The following XRCC4 variants were observed in gnomAD, a reference collection of about 807,000 sequenced individuals.
XRCC4 encodes the protein DNA repair protein XRCC4.
Under a neutral mutation model 39.1 loss-of-function variants are expected in XRCC4, and 28 were observed. The observed-to-expected ratio is 0.72, with a 90% CI of 0.53 to 0.98. The LOEUF is 0.98. XRCC4 is among the 50% of genes least tolerant of loss of function. The pLI, the probability that XRCC4 is intolerant of heterozygous loss-of-function variation, is 0.00. For synonymous variants in XRCC4, 123 were observed against 126.4 expected, an observed-to-expected ratio of 0.97 and a Z score of 0.18; for missense variants, 350 against 376.4, an observed-to-expected ratio of 0.93 and a Z score of 0.58.
chr5:83,264,647 G>C (rs1190009591), intron 7 of XRCC4, among the ~76,000 whole-genome samples: 2 of 151,924 alleles, frequency 1.3e-5, no homozygotes, highest in Non-Finnish European at 2.9e-5. Flanking sequence ...TTGAGACCTG[G>C]TACTCTGTGT....
rs73134604 is a variant in XRCC4 at position 83,188,392 on chromosome 5, G to A, written c.316-7378G>A. Among the ~76,000 whole-genome samples the A allele has an allele frequency of 7.0e-3, 1,070 of 152,176 alleles. 12 individuals are homozygous for A. Among genetic ancestry groups the A allele is most frequent in the African/African-American group, 0.025 (1,029 of 41,506 alleles). ...CCAGATATGTGGTCAGACATTCTGGGTGTTTTTGTGAGGGTGTTTTTGGAT... is the reference window on the plus strand; with the variant it reads ...CCAGATATGTGGTCAGACATTCTGGATGTTTTTGTGAGGGTGTTTTTGGAT... On this transcript the variant is annotated intron_variant, in intron 3 of 7. Coordinates refer to ENST00000396027, the MANE Select transcript of XRCC4 (RefSeq NM_003401.5).
rs34133547 is a variant in XRCC4, at chr5:83,313,081, C to CTT, written c.894-40037_894-40036dup. 4.6e-3 allele frequency among the ~76,000 whole-genome samples: 663 copies of CTT among 142,894 alleles called. 8 individuals carry two copies. Among genetic ancestry groups the CTT allele is most frequent in the African/African-American group, 0.016 (624 of 39,180 alleles). 93.7% of individuals were successfully genotyped at this position (142,894 alleles called of 152,430 possible). A position where few individuals can be genotyped will look rare whatever the true frequency, so the allele number is the denominator to read the frequency against. On this transcript the variant is annotated intron_variant, in intron 7 of 7. Coordinates refer to ENST00000396027, the MANE Select transcript of XRCC4 (RefSeq NM_003401.5). The stretch of plus-strand genomic sequence containing the variant: ...GTCTCTTTTTTCTTTTCTTTTCTTT[C>CTT]TTTTTTTTTTTTTTACAATAAAAGT...
chr5:83,124,222 C>G (rs112403456), intron 3 of XRCC4, among the ~76,000 whole-genome samples: 1,553 of 152,244 alleles, frequency 0.01, 26 homozygotes, highest in African/African-American at 0.035. Context: ...GTACAGAACT[C>G]TTTTATTACC....
chr5:83,094,217 C>T (rs920227784), intron 1 of XRCC4, among the ~76,000 whole-genome samples: 1 of 151,940 alleles, frequency 6.6e-6, no homozygotes, highest in African/African-American at 2.4e-5. Flanking sequence ...TGTTTTTCTA[C>T]TTCTTAATTC....
intron 3 of XRCC4, among the ~76,000 whole-genome samples, chr5:83,148,941 T>C (rs1176525145): frequency 3.3e-5 from 5 of 152,182 alleles, no homozygotes; most frequent in African/African-American, 7.2e-5. Flanking sequence ...TTTAACAAAC[T>C]GTAAGAATTT....
intron 7 of XRCC4, among the ~76,000 whole-genome samples, chr5:83,268,399 A>G (rs1754028316): frequency 1.3e-5 from 2 of 152,216 alleles, no homozygotes; most frequent in Admixed American, 6.5e-5. Flanking sequence ...TCCCTTTTCC[A>G]TGCTGCTATA....
At chr5:83,320,304 A>G (rs1039959577) in intron 7 of XRCC4, among the ~76,000 whole-genome samples, 9 of 150,058 alleles carry the variant, frequency 6.0e-5, no homozygotes, top group Non-Finnish European at 8.9e-5. Flanking sequence ...ACATGTATAC[A>G]TATGTAACTA....
In XRCC4 at chr5:83,326,541, T is replaced by C. The variant is rs545809246; in HGVS notation, c.894-26590T>C. On this transcript the variant is annotated intron_variant, in intron 7 of 7. Coordinates refer to ENST00000396027, the MANE Select transcript of XRCC4 (RefSeq NM_003401.5). ...GAGCCATATAGCATTTAATATTCTT[T>C]ATGGGAAAATTTGTTTGGGATCTAT... Among the ~76,000 whole-genome samples, 4 of 152,216 alleles carry C rather than the reference T, an allele frequency of 2.6e-5. No homozygotes were observed. The South Asian group carries it at 8.3e-4, about 32-fold the overall frequency.
intron 3 of XRCC4, among the ~76,000 whole-genome samples, chr5:83,159,991 G>A (rs1749130739): frequency 6.6e-6 from 1 of 152,110 alleles, no homozygotes; most frequent in East Asian, 1.9e-4. Context: ...TTGTCAATGA[G>A]TAAATGTTAA....
intron 3 of XRCC4, among the ~76,000 whole-genome samples, chr5:83,116,883 A>G (rs1167373868): frequency 6.6e-6 from 1 of 152,094 alleles, no homozygotes; most frequent in Non-Finnish European, 1.5e-5. Context: ...CGGCCTCCCA[A>G]AGTGCTGGGA....
At chr5:83,130,526 G>A (rs1330455870) in intron 3 of XRCC4, among the ~76,000 whole-genome samples, 12 of 152,076 alleles carry the variant, frequency 7.9e-5, no homozygotes, top group Non-Finnish European at 1.2e-4. Context: ...ATTGATTGGA[G>A]TAGTTTCAGA....
At chr5:83,199,420 A>G (rs16900224) in intron 4 of XRCC4, among the ~76,000 whole-genome samples, 4,156 of 152,078 alleles carry the variant, frequency 0.027, 161 homozygotes, top group African/African-American at 0.084. Flanking sequence ...TTGCTTTTCC[A>G]GTTCTTTTTA....
downstream of XRCC4, chr5:83,356,705 C>T (rs769414998): frequency 1.1e-5 from 5 of 454,072 alleles, no homozygotes; most frequent in South Asian, 3.1e-5. Flanking sequence ...CACGTTTTCT[C>T]CTCACATTTT....
At chr5:83,219,895 T>A (rs1242547032) in intron 6 of XRCC4, among the ~76,000 whole-genome samples, 1 of 152,176 alleles carries the variant, frequency 6.6e-6, no homozygotes, top group African/African-American at 2.4e-5. Flanking sequence ...TAAAATTTTA[T>A]ATGAAATATA....
intron 1 of XRCC4, 71 bp from the exon 2 acceptor site, chr5:83,104,839 A>G: frequency 7.2e-7 from 1 of 1,383,030 alleles, no homozygotes; most frequent in Non-Finnish European, 1.0e-6. Context: ...TGTAGCTGAG[A>G]GGCCAGTACA....
chr5:83,354,342 C>T (rs890266293), downstream of XRCC4, among the ~76,000 whole-genome samples: 7 of 152,168 alleles, frequency 4.6e-5, no homozygotes, highest in African/African-American at 9.7e-5. Context: ...AATTATCAGC[C>T]GTCTTCTCTT....
rs146988657 is a variant in XRCC4 at position 83,353,417 on chromosome 5, G to A, written c.*175G>A. The A allele has an allele frequency of 1.4e-4, 68 of 483,236 alleles. 1 individual carries two copies. In the East Asian group the frequency reaches 1.9e-3, roughly 13 times the overall value. 29.9% of individuals were successfully genotyped at this position (483,236 alleles called of 1,614,324 possible). A position where few individuals can be genotyped will look rare whatever the true frequency, so the allele number is the denominator to read the frequency against. ...GGATTACACATGTATACAAAGATACGATTTGATGATGACACTGGCACATTA... is the reference window on the plus strand; with the variant it reads ...GGATTACACATGTATACAAAGATACAATTTGATGATGACACTGGCACATTA... On this transcript the variant is annotated 3_prime_UTR_variant, in exon 8 of 8. Transcript: ENST00000396027.
chr5:83,200,022 A>T (rs1366140910), intron 4 of XRCC4, among the ~76,000 whole-genome samples: 1 of 152,094 alleles, frequency 6.6e-6, no homozygotes, highest in Middle Eastern at 3.2e-3. Flanking sequence ...AGTGAATCCC[A>T]TGTCTCTTCT....
At chr5:83,289,341 G>A (rs556174402) in intron 7 of XRCC4, among the ~76,000 whole-genome samples, 35 of 151,842 alleles carry the variant, frequency 2.3e-4, no homozygotes, top group Non-Finnish European at 4.6e-4. Context: ...ATTTTCTGTT[G>A]AAAGCTGGAC....
Sources: gnomAD v4.1 joint callset for allele counts (sites outside exome capture counted in the v4.1 genomes callset) on GRCh38, gnomAD v4.1.1 for gene constraint, MANE v1.5 for transcripts, NCBI Gene and HGNC (gene_info 2026-07-23, HGNC 2026-07-21) for gene names.